The following DCC variants were observed in gnomAD, a reference collection of about 807,000 sequenced individuals.
DCC encodes the protein netrin receptor DCC.
Under a neutral mutation model 172.5 loss-of-function variants are expected in DCC, and 58 were observed. The observed-to-expected ratio is 0.34, with a 90% CI of 0.27 to 0.42. The LOEUF is 0.42. DCC is among the 10% of genes least tolerant of loss of function. The pLI is 1.00. For synonymous variants in DCC, 709 were observed against 644.5 expected (o/e 1.10, Z -1.52); for missense variants, 1,740 against 1,791.0 (o/e 0.97, Z 0.51).
chr18:52,597,455 T>C (rs1362931187), intron 1 of DCC, among the ~76,000 whole-genome samples: 1 of 152,246 alleles, frequency 6.6e-6, no homozygotes, highest in Non-Finnish European at 1.5e-5. Context: ...TCAATATTGC[T>C]TTTGCTACTC....
chr18:53,003,689 GAAAAGGAGACT>G (rs1034103949), intron 5 of DCC, among the ~76,000 whole-genome samples: 1 of 151,824 alleles, frequency 6.6e-6, no homozygotes, highest in Non-Finnish European at 1.5e-5. Context: ...AGGTAGGGAG[GAAAAGGAGACT>G]TTTCCTCCCT....
At chr18:52,891,518 T>G (rs1038607600) in intron 2 of DCC, among the ~76,000 whole-genome samples, 1 of 152,092 alleles carries the variant, frequency 6.6e-6, no homozygotes, top group Non-Finnish European at 1.5e-5. Context: ...CTCTAACCTT[T>G]TTCATTTTTG....
chr18:52,612,946 A>G (rs991643360), intron 1 of DCC, among the ~76,000 whole-genome samples: 1 of 152,182 alleles, frequency 6.6e-6, no homozygotes, highest in African/African-American at 2.4e-5. Context: ...ACATCAAATT[A>G]CTCAAAGTTC....
At chr18:53,421,311 G>T (rs184334363) in intron 21 of DCC, among the ~76,000 whole-genome samples, 1 of 152,124 alleles carries the variant, frequency 6.6e-6, no homozygotes, top group Non-Finnish European at 1.5e-5. Context: ...GTGCTATGGC[G>T]ATGATACAGT....
At chr18:52,866,590 G>A (rs1887543711) in intron 2 of DCC, among the ~76,000 whole-genome samples, 1 of 152,144 alleles carries the variant, frequency 6.6e-6, no homozygotes, top group Admixed American at 6.5e-5. Flanking sequence ...CCTCCTTGAA[G>A]AGGTCCTTCA....
intron 1 of DCC, among the ~76,000 whole-genome samples, chr18:52,393,959 C>T (rs1411001002): frequency 6.6e-6 from 1 of 152,022 alleles, no homozygotes; most frequent in Non-Finnish European, 1.5e-5. Context: ...ATTCTCAATT[C>T]ATAGCATGCT....
chr18:52,917,443 A>G (rs1208612384), intron 3 of DCC, among the ~76,000 whole-genome samples: 2 of 152,218 alleles, frequency 1.3e-5, no homozygotes, highest in African/African-American at 4.8e-5. Flanking sequence ...GGGATATTCA[A>G]TAATTTTCAA....
intron 5 of DCC, among the ~76,000 whole-genome samples, chr18:53,056,642 A>G (rs1429568466): frequency 6.6e-6 from 1 of 152,128 alleles, no homozygotes; most frequent in African/African-American, 2.4e-5. Context: ...CATTCCAGAG[A>G]AGATTAATGG....
At chr18:52,515,431 C>G (rs1179846780) in intron 1 of DCC, among the ~76,000 whole-genome samples, 4 of 150,900 alleles carry the variant, frequency 2.7e-5, no homozygotes, top group Non-Finnish European at 5.9e-5. Context: ...CACGGTAAAA[C>G]CCTGTCTCTA....
chr18:52,412,331 G>A (rs895429355), intron 1 of DCC, among the ~76,000 whole-genome samples: 9 of 152,098 alleles, frequency 5.9e-5, no homozygotes, highest in South Asian at 4.2e-4. Flanking sequence ...CCTGTTACAC[G>A]GAGGATATGA....
At chr18:53,293,853 T>C (rs1245718605) in intron 12 of DCC, among the ~76,000 whole-genome samples, 10 of 152,136 alleles carry the variant, frequency 6.6e-5, no homozygotes, top group Admixed American at 6.6e-4. Context: ...ATATATTACT[T>C]TGGAAGTGTG....
intron 1 of DCC, among the ~76,000 whole-genome samples, chr18:52,513,760 T>G (rs1304445592): frequency 1.3e-5 from 2 of 152,172 alleles, no homozygotes; most frequent in Non-Finnish European, 2.9e-5. Context: ...AAGCTATTTA[T>G]GGGCCTGCAC....
intron 1 of DCC, among the ~76,000 whole-genome samples, chr18:52,524,817 T>G: frequency 6.6e-6 from 1 of 152,152 alleles, no homozygotes; most frequent in East Asian, 1.9e-4. Context: ...AGCAGTTCTA[T>G]ATCAGATAGC....
intron 7 of DCC, among the ~76,000 whole-genome samples, chr18:53,109,566 TTCCCTCCC>T (rs577731790): frequency 2.7e-5 from 4 of 150,330 alleles, no homozygotes; most frequent in Non-Finnish European, 4.5e-5. Flanking sequence ...CCTTCATTCC[TTCCCTCCC>T]TCCCTCCCTC....
chr18:53,216,520 C>G (rs1348612297), intron 12 of DCC, among the ~76,000 whole-genome samples: 1 of 152,088 alleles, frequency 6.6e-6, no homozygotes, highest in Non-Finnish European at 1.5e-5. Context: ...TTTAAGTATC[C>G]TAAGAATTAC....
chr18:53,432,023 T>A (rs1248220428), intron 21 of DCC, among the ~76,000 whole-genome samples: 1 of 152,152 alleles, frequency 6.6e-6, no homozygotes, highest in African/African-American at 2.4e-5. Context: ...TGCAAAAAAG[T>A]AATTCAAGAT....
At chr18:53,151,929 A>T (rs1170506716) in intron 7 of DCC, among the ~76,000 whole-genome samples, 2 of 152,118 alleles carry the variant, frequency 1.3e-5, no homozygotes, top group Admixed American at 1.3e-4. Context: ...CTTAACTATC[A>T]TTTAGGTTTA....
chr18:52,772,075 T>C lies in DCC; in HGVS notation c.412+19701T>C, dbSNP rs555189513. Among the ~76,000 whole-genome samples the C allele has an allele frequency of 2.0e-4, 30 of 152,356 alleles. No homozygotes were observed. The South Asian group carries it at 3.9e-3, about 20-fold the overall frequency. On this transcript the variant is annotated intron_variant, in intron 2 of 28. Coordinates refer to ENST00000442544, the MANE Select transcript of DCC (RefSeq NM_005215.4). ...CCTAATGTGGTTGTTTACTCAATGA[T>C]ACATTCTTTTTACTTACTAGAGTTG...
At chr18:52,656,068 ATGTGTATATATATG>A (rs143449428) in intron 1 of DCC, among the ~76,000 whole-genome samples, 121 of 137,590 alleles carry the variant, frequency 8.8e-4, no homozygotes, top group South Asian at 3.5e-3. Flanking sequence ...GTGTATATAT[ATGTGTATATATATG>A]TGTGTGTGTG....
Sources: allele counts gnomAD v4.1 joint callset (sites outside exome capture counted in the v4.1 genomes callset), GRCh38; gene constraint gnomAD v4.1.1; transcripts MANE v1.5; gene names NCBI Gene and HGNC (gene_info 2026-07-23, HGNC 2026-07-21).